Variants in BTRC observed in about 807,000 individuals in gnomAD.
The protein encoded by BTRC is F-box/WD repeat-containing protein 1A.
BTRC carries 42 observed loss-of-function variants against 85.5 expected under a neutral mutation model. The ratio of observed to expected loss-of-function variants is 0.49; its 90% CI spans 0.38 to 0.64. The LOEUF is 0.64. BTRC is among the 30% of genes least tolerant of loss of function. BTRC has a pLI of 0.00. For missense variants in BTRC, 594 were observed against 743.5 expected (o/e 0.80, Z 2.34); for synonymous variants, 255 against 263.3 (o/e 0.97, Z 0.30).
At chr10:101,410,894 A>G (rs1943758170) in intron 1 of BTRC, among the ~76,000 whole-genome samples, 1 of 151,874 alleles carries the variant, frequency 6.6e-6, no homozygotes, top group Non-Finnish European at 1.5e-5. Flanking sequence ...TTTCATGTAT[A>G]TTATGAACAC....
At chr10:101,355,819 C>G (rs927003726) in intron 1 of BTRC, among the ~76,000 whole-genome samples, 7 of 152,076 alleles carry the variant, frequency 4.6e-5, no homozygotes, top group African/African-American at 1.4e-4. Flanking sequence ...TCGAAAACAC[C>G]TAATTAAAAT....
intron 4 of BTRC, among the ~76,000 whole-genome samples, chr10:101,517,820 A>T (rs2062042937): frequency 6.6e-6 from 1 of 151,864 alleles, no homozygotes; most frequent in Admixed American, 6.6e-5. Context: ...CAGAATATAC[A>T]CTGAATCCCA....
At chr10:101,434,656 C>T (rs560644545) in intron 2 of BTRC, among the ~76,000 whole-genome samples, 55 of 152,084 alleles carry the variant, frequency 3.6e-4, no homozygotes, top group African/African-American at 1.1e-3. Flanking sequence ...GAACCAGGTA[C>T]AGCAGTGCAT....
intron 4 of BTRC, among the ~76,000 whole-genome samples, chr10:101,481,323 T>C (rs1945828610): frequency 6.6e-6 from 1 of 152,188 alleles, no homozygotes; most frequent in Non-Finnish European, 1.5e-5. Flanking sequence ...ATTCTTTCTT[T>C]CTTTTTTTCT....
At chr10:101,526,551 G>A (rs2062193783) in intron 6 of BTRC, among the ~76,000 whole-genome samples, 1 of 152,194 alleles carries the variant, frequency 6.6e-6, no homozygotes, top group Non-Finnish European at 1.5e-5. Flanking sequence ...AGGCCAAGGT[G>A]GGCAGATCAC....
At chr10:101,461,788 A>G (rs1321294199) in intron 2 of BTRC, among the ~76,000 whole-genome samples, 193 bp from the exon 3 acceptor site, 1 of 152,128 alleles carries the variant, frequency 6.6e-6, no homozygotes, top group African/African-American at 2.4e-5. Context: ...TCCTTACATA[A>G]TTTATTTATA....
rs2062276315 is a variant in BTRC at position 101,531,266 on chromosome 10, C to T, written c.773C>T (p.Pro258Leu). 1.2e-6 allele frequency: 2 copies of T among 1,609,760 alleles called. No individual in the cohort carries two copies. The highest frequency in any genetic ancestry group is 1.7e-5 in the Admixed American group (1 of 59,960). Reference protein sequence around the residue: ...WGQYLFKNKPPDGNAPPNSFY... With the variant: ...WGQYLFKNKPLDGNAPPNSFY... Reference sequence around the variant, plus strand: ...CAGTATTTATTCAAAAACAAACCTCCTGACGGGAATGCTCCTCCCAACTCT... The same window carrying T: ...CAGTATTTATTCAAAAACAAACCTCTTGACGGGAATGCTCCTCCCAACTCT... The change falls in exon 7 of 15, where the codon CCT becomes CTT. Residue 258 changes from proline to leucine, a missense_variant. By Grantham distance (98) the Pro-to-Leu change is moderately conservative. This residue lies in a region of BTRC where 373 missense variants were observed against 503.6 expected (regional missense o/e 0.74). Coordinates refer to ENST00000370187, the MANE Select transcript of BTRC (RefSeq NM_033637.4).
chr10:101,450,620 C>T (rs1040846147), intron 2 of BTRC, among the ~76,000 whole-genome samples: 13 of 152,152 alleles, frequency 8.5e-5, no homozygotes, highest in African/African-American at 2.9e-4. Context: ...CAGCCCATGT[C>T]ACTGTAATAG....
At chr10:101,400,792 T>C (rs867319381) in intron 1 of BTRC, among the ~76,000 whole-genome samples, 14 of 152,216 alleles carry the variant, frequency 9.2e-5, no homozygotes, top group African/African-American at 3.4e-4. Context: ...TGCAAATGCC[T>C]TTCATCAAAA....
chr10:101,542,079 C>T (rs2062477537), intron 13 of BTRC, among the ~76,000 whole-genome samples: 1 of 152,176 alleles, frequency 6.6e-6, no homozygotes. Flanking sequence ...TTAATTACAA[C>T]TTCAGTTTCT....
rs575492560 is a variant in BTRC at position 101,518,207 on chromosome 10, C to T, written c.325-3432C>T. Among the ~76,000 whole-genome samples the T allele has an allele frequency of 7.2e-5, 11 of 152,306 alleles. No individual in the cohort carries two copies. In the East Asian group the frequency reaches 1.7e-3, roughly 24 times the overall value. On this transcript the variant is annotated intron_variant, in intron 4 of 14. Transcript: ENST00000370187. ...GATTACAGGCGTGAGCCACCGCGCC[C>T]GGCCGAAGTAGTGTCTTAATTGGCC...
intron 3 of BTRC, among the ~76,000 whole-genome samples, chr10:101,467,599 A>G (rs1945413757): frequency 6.6e-6 from 1 of 151,864 alleles, no homozygotes; most frequent in African/African-American, 2.4e-5. Context: ...GGTTTGCATT[A>G]TTTCATTATA....
chr10:101,456,429 C>G (rs900197065), intron 2 of BTRC, among the ~76,000 whole-genome samples: 2 of 152,038 alleles, frequency 1.3e-5, no homozygotes, highest in African/African-American at 4.8e-5. Context: ...TAAAAACTGA[C>G]TCTGAGGATT....
At chr10:101,497,112 C>T (rs77012276) in intron 4 of BTRC, among the ~76,000 whole-genome samples, 10,115 of 152,146 alleles carry the variant, frequency 0.066, 352 homozygotes, top group Non-Finnish European at 0.074. Flanking sequence ...GGTGAGAATT[C>T]TTTGTTTTCC....
intron 1 of BTRC, among the ~76,000 whole-genome samples, chr10:101,384,688 G>C (rs1284834772): frequency 6.6e-6 from 1 of 152,130 alleles, no homozygotes; most frequent in Non-Finnish European, 1.5e-5. Context: ...CTTATTTTCA[G>C]TTGATTTGAA....
chr10:101,427,090 G>A (rs1944271649), intron 1 of BTRC, among the ~76,000 whole-genome samples: 1 of 149,730 alleles, frequency 6.7e-6, no homozygotes, highest in African/African-American at 2.5e-5. Flanking sequence ...CGTATGTACA[G>A]CATTTCCATT....
At chr10:101,442,757 C>T (rs985266009) in intron 2 of BTRC, among the ~76,000 whole-genome samples, 3 of 151,874 alleles carry the variant, frequency 2.0e-5, no homozygotes, top group African/African-American at 7.3e-5. Flanking sequence ...TGATACAGGG[C>T]TTGTTCATAT....
chr10:101,427,119 T>TC (rs1166191735), intron 1 of BTRC, among the ~76,000 whole-genome samples: 3 of 61,664 alleles, frequency 4.9e-5, no homozygotes, highest in Non-Finnish European at 1.0e-4. Flanking sequence ...CTTTCTTTTT[T>TC]TTTTTTTTTT....
chr10:101,505,917 A>ATTT (rs71472577), intron 4 of BTRC, among the ~76,000 whole-genome samples: 1 of 142,614 alleles, frequency 7.0e-6, no homozygotes, highest in Admixed American at 7.0e-5. Context: ...CAGTTTTCCA[A>ATTT]TTTTTTTTTT....
Sources: gnomAD v4.1 joint callset for allele counts (sites outside exome capture counted in the v4.1 genomes callset) on GRCh38, gnomAD v4.1.1 for gene constraint, gnomAD v4.1.1 regional missense constraint, MANE v1.5 for transcripts, NCBI Gene and HGNC (gene_info 2026-07-23, HGNC 2026-07-21) for gene names.